The following MACF1 variants were observed in gnomAD, a reference collection of about 807,000 sequenced individuals.
The protein encoded by MACF1 is microtubule-actin cross-linking factor 1.
A neutral mutation model predicts 854.8 loss-of-function variants in MACF1; 193 were observed. That is an observed-to-expected ratio of 0.23 (90% CI 0.20 to 0.25). The LOEUF (loss-of-function observed/expected upper bound fraction) is 0.25, where lower values mean the gene tolerates loss of function less well. Among genes scored for constraint, MACF1 ranks in the 10% least tolerant of loss-of-function variants. The pLI, the probability that MACF1 is intolerant of heterozygous loss-of-function variation, is 1.00. For synonymous variants in MACF1, 3,185 were observed against 3,226.7 expected (o/e 0.99, Z 0.44); for missense variants, 7,722 against 8,929.1 (o/e 0.86, Z 5.45).
chr1:39,123,432 T>G (rs891554809), intron 2 of MACF1, among the ~76,000 whole-genome samples: 1 of 151,944 alleles, frequency 6.6e-6, no homozygotes. Flanking sequence ...GGTCTCGAAC[T>G]GCTGACCTCA....
Position 39,105,914 on chromosome 1 carries a change from G to T in MACF1, c.220+21476G>T, listed in dbSNP as rs1019313893. ...TAAGCCTTCGGAAACCGCCCCCGGG[G>T]CAGTCGGCGCGCTCAGAGCGCCAGT... On this transcript the variant is annotated intron_variant, in intron 2 of 93. Transcript: ENST00000361689. The surrounding 1 kb of genome is among the most constrained non-coding windows in gnomAD (Gnocchi z 5.9). Among the ~76,000 whole-genome samples, 1 of 152,226 alleles carries T rather than the reference G, an allele frequency of 6.6e-6. No homozygotes were observed. Among genetic ancestry groups the T allele is most frequent in the African/African-American group, 2.4e-5 (1 of 41,468 alleles).
chr1:39,101,970 A>T (rs1642091233), intron 2 of MACF1, among the ~76,000 whole-genome samples: 1 of 151,550 alleles, frequency 6.6e-6, no homozygotes, highest in African/African-American at 2.4e-5. Flanking sequence ...AGGTCAGGAG[A>T]TCGAGACCAT....
chr1:39,459,242 T>G lies in MACF1; in HGVS notation c.21353T>G (p.Leu7118Arg). 1 of 1,612,968 alleles carries G rather than the reference T, an allele frequency of 6.2e-7. No homozygotes were observed. Among genetic ancestry groups the G allele is most frequent in the Non-Finnish European group, 8.5e-7 (1 of 1,179,462 alleles). Residue 7118 changes from leucine (L) to arginine (R), a missense_variant, in exon 91 of 101, where the codon CTG becomes CGG. Physicochemically the swap from Leu to Arg is moderately radical, Grantham distance 102. Transcript: ENST00000564288. ...QRKLNDALDR[L>R]EELKEFANFD... ...AAACTGAATGATGCCTTGGATCGGC[T>G]GGAGGAGGTAATGCCCTGCTGAGTG...
intron 1 of MACF1, among the ~76,000 whole-genome samples, chr1:39,211,420 A>G (rs1489169791): frequency 6.6e-6 from 1 of 151,934 alleles, no homozygotes; most frequent in Non-Finnish European, 1.5e-5. Flanking sequence ...TTATTTTTTA[A>G]TTTTTTAAAT....
intron 58 of MACF1, chr1:39,414,548 G>A: frequency 6.3e-7 from 1 of 1,590,874 alleles, no homozygotes; most frequent in Non-Finnish European, 8.6e-7. Context: ...ACCTGGTGGT[G>A]ATGAGAAATG....
At chr1:39,150,832 C>A (rs1643563743) in intron 2 of MACF1, among the ~76,000 whole-genome samples, 1 of 152,134 alleles carries the variant, frequency 6.6e-6, no homozygotes. Flanking sequence ...TCCTGATTTT[C>A]TTTCTTCCTC....
In MACF1 at chr1:39,108,001, T is replaced by G. The variant is rs543648141; in HGVS notation, c.220+23563T>G. Among the ~76,000 whole-genome samples, 9 of 151,732 alleles carry G rather than the reference T, an allele frequency of 5.9e-5. No individual in the cohort carries two copies. In the South Asian group the frequency reaches 6.3e-4, roughly 11 times the overall value. The stretch of plus-strand genomic sequence containing the variant: ...AGAGCTGTGTGTAGTGCAGCTGTAT[T>G]AGGAATGGTAGTCAAGTATGGGTTT... On this transcript the variant is annotated intron_variant, in intron 2 of 93. Transcript: ENST00000361689.
chr1:39,350,562 G>A (rs1375487176), intron 42 of MACF1, among the ~76,000 whole-genome samples: 8 of 152,210 alleles, frequency 5.3e-5, no homozygotes, highest in East Asian at 1.9e-4. Context: ...AATCTCTCAT[G>A]TTCATGTTTA....
At position 39,446,653 on chromosome 1, in the gene MACF1, C is replaced by T. The variant is rs564523439; in HGVS notation, c.19606-779C>T. Among the ~76,000 whole-genome samples, 4 of 152,214 alleles carry T rather than the reference C, an allele frequency of 2.6e-5. No individual in the cohort carries two copies. The East Asian group carries it at 7.7e-4, about 29-fold the overall frequency. On this transcript the variant is annotated intron_variant, in intron 80 of 100. Coordinates refer to ENST00000564288, the MANE Select transcript of MACF1 (RefSeq NM_001394062.1). ...ATATTTTGGAAATACTCATTTTTGT[C>T]AGCCTGTCATTTTTACTTTGCCTGC...
intron 97 of MACF1, among the ~76,000 whole-genome samples, chr1:39,477,175 A>G (rs1375912025): frequency 6.7e-6 from 1 of 148,748 alleles, no homozygotes; most frequent in Non-Finnish European, 1.5e-5. Flanking sequence ...GGAGTAAGAC[A>G]CACCATTATA....
At position 39,156,965 on chromosome 1, in the gene MACF1, T is replaced by C. The variant is rs549491476; in HGVS notation, c.220+72527T>C. 6.2e-5 allele frequency among the ~76,000 whole-genome samples: 5 copies of C among 81,140 alleles called. No individual in the cohort carries two copies. In the South Asian group the frequency reaches 2.5e-3, roughly 40 times the overall value. The allele number at this position is 81,140 out of a possible 152,430, so 53.2% of individuals were successfully genotyped here. ...TGGTTATTACTTTCCCTTTCCATTA[T>C]CTTTTTTTTTTTTTTTTCCTCTAAG... On this transcript the variant is annotated intron_variant, in intron 2 of 93. Coordinates refer to the MACF1 transcript ENST00000361689.
At chr1:39,325,819 G>C (rs1646599550) in intron 35 of MACF1, among the ~76,000 whole-genome samples, 1 of 152,190 alleles carries the variant, frequency 6.6e-6, no homozygotes, top group Non-Finnish European at 1.5e-5. Flanking sequence ...TAGGTGGAGA[G>C]GTTTGTTGAA....
At chr1:39,452,071 C>T (rs182122451) in intron 85 of MACF1, 85 bp from the exon 86 acceptor site, 16 of 1,217,918 alleles carry the variant, frequency 1.3e-5, no homozygotes, top group Non-Finnish European at 1.6e-5. Flanking sequence ...TGATTAGAAC[C>T]TACCAAGAAA....
At chr1:39,187,157 T>A (rs1178901383) in intron 2 of MACF1, among the ~76,000 whole-genome samples, 2 of 152,304 alleles carry the variant, frequency 1.3e-5, no homozygotes, top group South Asian at 4.1e-4. Flanking sequence ...TGTGATTATA[T>A]AAATATTGCT....
At chr1:39,217,834 G>A (rs1644595573) in intron 1 of MACF1, among the ~76,000 whole-genome samples, 1 of 148,524 alleles carries the variant, frequency 6.7e-6, no homozygotes, top group Admixed American at 6.9e-5. Flanking sequence ...AGAGATTTCA[G>A]TGAGCCGGGA....
chr1:39,305,277 AGT>A (rs58977749), intron 23 of MACF1, among the ~76,000 whole-genome samples: 2 of 149,462 alleles, frequency 1.3e-5, no homozygotes, highest in African/African-American at 2.4e-5. Flanking sequence ...AAAAAAAAAA[AGT>A]GTGTGTGTGT....
intron 2 of MACF1, among the ~76,000 whole-genome samples, chr1:39,099,714 G>A (rs1642019209): frequency 6.6e-6 from 1 of 152,138 alleles, no homozygotes; most frequent in Admixed American, 6.5e-5. Context: ...ACAGTTCAAT[G>A]AGGCATCCAT....
intron 2 of MACF1, among the ~76,000 whole-genome samples, chr1:39,166,445 TATTTATTC>T (rs1167507476): frequency 3.2e-4 from 10 of 30,806 alleles, no homozygotes; most frequent in East Asian, 2.5e-3. Flanking sequence ...TTTATTTATT[TATTTATTC>T]ATTCATTCAT....
chr1:39,252,900 C>T (rs186243791), intron 4 of MACF1, among the ~76,000 whole-genome samples: 13 of 152,262 alleles, frequency 8.5e-5, no homozygotes, highest in Admixed American at 7.2e-4. Context: ...GAAGATGCTT[C>T]CATCCTTATC....
Sources: allele counts gnomAD v4.1 joint callset (sites outside exome capture counted in the v4.1 genomes callset), GRCh38; gene constraint gnomAD v4.1.1; non-coding constraint Gnocchi (gnomAD v3.1); transcripts MANE v1.5; gene names NCBI Gene and HGNC (gene_info 2026-07-23, HGNC 2026-07-21).